CATSPER3: variants seen among roughly 807,000 people sequenced by gnomAD.
CATSPER3 encodes cation channel sperm-associated protein 3.
In CATSPER3, 23 loss-of-function variants were observed where a neutral mutation model predicts 36.6. That is an observed-to-expected ratio of 0.63 (90% CI 0.45 to 0.89). The LOEUF (loss-of-function observed/expected upper bound fraction) is 0.89. Among genes scored for constraint, CATSPER3 ranks in the 40% least tolerant of loss-of-function variants. The pLI is 0.00. For missense variants in CATSPER3, 474 were observed against 503.9 expected, an observed-to-expected ratio of 0.94 and a Z score of 0.57; for synonymous variants, 172 against 184.1, an observed-to-expected ratio of 0.93 and a Z score of 0.53.
chr5:135,002,103 G>A (rs1457403410), intron 3 of CATSPER3, among the ~76,000 whole-genome samples: 1 of 152,206 alleles, frequency 6.6e-6, no homozygotes, highest in Non-Finnish European at 1.5e-5. Context: ...GCTGTTACTG[G>A]TTGTTCCTTT....
In CATSPER3 at chr5:135,008,902, C is replaced by A. The variant is rs757195952; in HGVS notation, c.737C>A (p.Ala246Glu). The A allele has an allele frequency of 1.9e-6, 3 of 1,613,880 alleles. No homozygotes were observed. Among genetic ancestry groups the A allele is most frequent in the Non-Finnish European group, 2.5e-6 (3 of 1,179,926 alleles). ...LDNREFALSR[A>E]FTIIFILLAS... ...AATCGGGAATTTGCTTTGAGCCGGG[C>A]ATTCACCATCATCTTCATCTTGCTC... The change falls in exon 5 of 8, where the codon GCA (alanine) becomes GAA (glutamate). Residue 246 changes from alanine (A) to glutamate (E), a missense_variant. Transcript: ENST00000282611.
intron 2 of CATSPER3, among the ~76,000 whole-genome samples, chr5:134,981,050 T>A (rs2149547254): frequency 6.6e-6 from 1 of 152,268 alleles, no homozygotes; most frequent in East Asian, 1.9e-4. Flanking sequence ...CTTTTTCTTA[T>A]TTCTTTTTAT....
chr5:135,004,317 G>A (rs577827119), intron 3 of CATSPER3, among the ~76,000 whole-genome samples: 1 of 152,358 alleles, frequency 6.6e-6, no homozygotes, highest in African/African-American at 2.4e-5. Context: ...AAATGCCCGT[G>A]TGGGGTGGGG....
At chr5:135,004,231 C>T (rs111488077) in intron 3 of CATSPER3, among the ~76,000 whole-genome samples, 20 of 152,372 alleles carry the variant, frequency 1.3e-4, no homozygotes, top group African/African-American at 3.6e-4. Context: ...TTGTCCACAT[C>T]TCTTCATTCC....
chr5:135,008,196 T>TCTA, intron 4 of CATSPER3, 57 bp downstream of exon 4: 1 of 1,454,954 alleles, frequency 6.9e-7, no homozygotes, highest in East Asian at 2.3e-5. Flanking sequence ...ACAGCCTAGG[T>TCTA]GGTGCAAGCG....
intron 5 of CATSPER3, 51 bp from the exon 6 acceptor site, chr5:135,009,320 C>A: frequency 6.3e-7 from 1 of 1,597,112 alleles, no homozygotes; most frequent in Non-Finnish European, 8.6e-7. Flanking sequence ...AAGACTGGGT[C>A]TGGGCATGTA....
chr5:134,970,760 T>G (rs1438249241), intron 2 of CATSPER3, among the ~76,000 whole-genome samples: 1 of 150,940 alleles, frequency 6.6e-6, no homozygotes, highest in African/African-American at 2.4e-5. Context: ...TTAGTAGAGA[T>G]AGGGTCTTGC....
intron 3 of CATSPER3, among the ~76,000 whole-genome samples, chr5:134,999,900 T>C (rs899525696): frequency 5.3e-5 from 8 of 152,204 alleles, no homozygotes; most frequent in Non-Finnish European, 7.3e-5. Context: ...TACTCTGTAT[T>C]TCTTTCTCCT....
intron 2 of CATSPER3, among the ~76,000 whole-genome samples, chr5:134,976,154 G>A (rs999730314): frequency 6.6e-6 from 1 of 152,118 alleles, no homozygotes; most frequent in African/African-American, 2.4e-5. Context: ...AATAAAAGAG[G>A]TTTTATTTTG....
intron 2 of CATSPER3, among the ~76,000 whole-genome samples, chr5:134,983,593 G>T (rs933791208): frequency 3.9e-5 from 6 of 152,100 alleles, no homozygotes; most frequent in African/African-American, 1.4e-4. Flanking sequence ...GATGGAAAAA[G>T]ATATTCCAAA....
intron 2 of CATSPER3, among the ~76,000 whole-genome samples, chr5:134,986,105 A>C (rs1230102636): frequency 6.6e-6 from 1 of 152,062 alleles, no homozygotes; most frequent in Non-Finnish European, 1.5e-5. Context: ...CTACAGAGGA[A>C]AACTACATTT....
intron 2 of CATSPER3, 83 bp downstream of exon 2, chr5:134,970,175 T>TC (rs1293329937): frequency 7.9e-5 from 103 of 1,303,552 alleles, no homozygotes; most frequent in Non-Finnish European, 1.0e-4. Context: ...TTTTTTTTTT[T>TC]CCGAGACAGA....
At chr5:134,987,814 AT>A (rs1275115672) in intron 2 of CATSPER3, among the ~76,000 whole-genome samples, 1 of 152,246 alleles carries the variant, frequency 6.6e-6, no homozygotes, top group African/African-American at 2.4e-5. Flanking sequence ...GATAAAGGGC[AT>A]TTATGAAAAA....
chr5:135,009,583 A>G, intron 6 of CATSPER3, 93 bp downstream of exon 6: 2 of 1,459,026 alleles, frequency 1.4e-6, no homozygotes, highest in South Asian at 2.3e-5. Flanking sequence ...GCCTGTGTAG[A>G]GAGCAGGTGG....
intron 1 of CATSPER3, 53 bp from the exon 2 acceptor site, chr5:134,969,886 G>A: frequency 6.3e-7 from 1 of 1,593,974 alleles, no homozygotes; most frequent in Non-Finnish European, 8.6e-7. Context: ...GCATTTTATG[G>A]GGATCTAGCT....
At chr5:134,978,189 A>G (rs1196226559) in intron 2 of CATSPER3, among the ~76,000 whole-genome samples, 2 of 152,198 alleles carry the variant, frequency 1.3e-5, no homozygotes, top group East Asian at 1.9e-4. Context: ...AGGTTGGTTA[A>G]TGAGGTACAA....
intron 3 of CATSPER3, among the ~76,000 whole-genome samples, chr5:135,005,991 C>T (rs942662084): frequency 2.6e-5 from 4 of 152,254 alleles, no homozygotes; most frequent in East Asian, 3.9e-4. Context: ...ATCCAGAGCC[C>T]GGGAGAGCTG....
intron 2 of CATSPER3, among the ~76,000 whole-genome samples, chr5:134,988,609 A>C (rs1751838935): frequency 6.6e-6 from 1 of 152,198 alleles, no homozygotes; most frequent in Non-Finnish European, 1.5e-5. Flanking sequence ...GCAACTCCTC[A>C]TCTCTTCAAG....
chr5:134,981,562 A>C (rs60806027), intron 2 of CATSPER3, among the ~76,000 whole-genome samples: 6,776 of 152,238 alleles, frequency 0.045, 498 homozygotes, highest in African/African-American at 0.15. Context: ...TTCAGAGATC[A>C]CACACAACAA....
Sources: gnomAD v4.1 joint callset for allele counts (sites outside exome capture counted in the v4.1 genomes callset) on GRCh38, gnomAD v4.1.1 for gene constraint, MANE v1.5 for transcripts, NCBI Gene and HGNC (gene_info 2026-07-23, HGNC 2026-07-21) for gene names.